The following NMNAT3 variants were observed in gnomAD, a reference collection of about 807,000 sequenced individuals.
NMNAT3 encodes the protein nicotinamide nucleotide adenylyltransferase 3.
A neutral mutation model predicts 24.8 loss-of-function variants in NMNAT3; 21 were observed. The observed-to-expected ratio is 0.85, with a 90% CI of 0.60 to 1.22. NMNAT3 has a LOEUF of 1.22. NMNAT3 is among the 50% of genes most tolerant of loss of function. The pLI, the probability that NMNAT3 is intolerant of heterozygous loss-of-function variation, is 0.00. For synonymous variants in NMNAT3, 136 were observed against 155.2 expected (o/e 0.88, Z 0.92); for missense variants, 387 against 436.6 (o/e 0.89, Z 1.01).
intron 3 of NMNAT3, among the ~76,000 whole-genome samples, chr3:139,621,872 T>C (rs568514745): frequency 2.0e-5 from 3 of 152,340 alleles, no homozygotes; most frequent in Non-Finnish European, 4.4e-5. Flanking sequence ...CTTAAGATAA[T>C]GATCTCCAGT....
chr3:139,589,120 C>A (rs939503358), intron 3 of NMNAT3, among the ~76,000 whole-genome samples: 3 of 152,034 alleles, frequency 2.0e-5, no homozygotes, highest in African/African-American at 2.4e-5. Context: ...TTGGAGGATA[C>A]AAAGGCAATG....
At chr3:139,658,695 G>T (rs928526244) in intron 1 of NMNAT3, among the ~76,000 whole-genome samples, 2 of 152,090 alleles carry the variant, frequency 1.3e-5, no homozygotes, top group Admixed American at 1.3e-4. Context: ...AAAAGAAGTC[G>T]CAGACAGCAG....
At chr3:139,620,081 G>A (rs145793954) in intron 3 of NMNAT3, among the ~76,000 whole-genome samples, 80 of 151,890 alleles carry the variant, frequency 5.3e-4, no homozygotes, top group Non-Finnish European at 7.4e-4. Context: ...TAGTTTATAC[G>A]TCTTCTAAAT....
chr3:139,671,618 T>TCACA (rs140979498), intron 1 of NMNAT3, among the ~76,000 whole-genome samples: 24,732 of 150,586 alleles, frequency 0.16, 2,521 homozygotes, highest in East Asian at 0.32. Context: ...TCTCTCTCTC[T>TCACA]CACACACACA....
chr3:139,599,479 A>G (rs1395307634), intron 3 of NMNAT3: 2 of 693,944 alleles, frequency 2.9e-6, no homozygotes, highest in Non-Finnish European at 2.6e-6. Flanking sequence ...CTAAGAGATC[A>G]GGAGCAACTG....
At chr3:139,670,840 C>T (rs1289300152) in intron 1 of NMNAT3, among the ~76,000 whole-genome samples, 1 of 152,162 alleles carries the variant, frequency 6.6e-6, no homozygotes, top group Non-Finnish European at 1.5e-5. Context: ...CTTCCTCCCA[C>T]AGTACTGGGG....
At chr3:139,661,554 T>A (rs909690727) in intron 1 of NMNAT3, among the ~76,000 whole-genome samples, 13 of 152,132 alleles carry the variant, frequency 8.5e-5, no homozygotes, top group African/African-American at 3.1e-4. Flanking sequence ...GCCTGTAGTT[T>A]TAGCTACTTG....
intron 3 of NMNAT3, among the ~76,000 whole-genome samples, chr3:139,602,027 T>A (rs760475743): frequency 1.3e-5 from 2 of 152,218 alleles, no homozygotes; most frequent in Non-Finnish European, 2.9e-5. Context: ...TCTTGATACA[T>A]TTTCAATTTA....
At chr3:139,636,886 G>A (rs1366189839) in intron 2 of NMNAT3, 1 of 152,224 alleles carries the variant, frequency 6.6e-6, no homozygotes, top group East Asian at 1.9e-4. Flanking sequence ...CTACAAACCT[G>A]TGGGACAGAA....
chr3:139,656,023 G>A (rs1337638567), intron 1 of NMNAT3, among the ~76,000 whole-genome samples: 1 of 152,216 alleles, frequency 6.6e-6, no homozygotes, highest in African/African-American at 2.4e-5. Context: ...ATGCATCCAA[G>A]CAACTACAAT....
chr3:139,664,318 G>C (rs773582039), intron 1 of NMNAT3, among the ~76,000 whole-genome samples: 1 of 152,082 alleles, frequency 6.6e-6, no homozygotes, highest in Admixed American at 6.5e-5. Context: ...CAACACCTTC[G>C]CTTTCAAAAC....
At chr3:139,637,776 C>T (rs1000898379) in intron 2 of NMNAT3, 187 bp downstream of exon 2, 4 of 152,170 alleles carry the variant, frequency 2.6e-5, no homozygotes, top group Admixed American at 1.3e-4. Flanking sequence ...GCAAGGCCCA[C>T]CTGGAAGTCA....
intron 6 of NMNAT3, among the ~76,000 whole-genome samples, chr3:139,572,580 G>C (rs1938567938): frequency 6.6e-6 from 1 of 152,130 alleles, no homozygotes; most frequent in African/African-American, 2.4e-5. Context: ...CTGCTGTGAG[G>C]GATCCTCTGG....
In NMNAT3 at chr3:139,561,363, C is replaced by T; in HGVS notation, c.688G>A (p.Ala230Thr). 1 of 1,613,746 alleles carries T rather than the reference C, an allele frequency of 6.2e-7. No individual in the cohort carries two copies. Among genetic ancestry groups the T allele is most frequent in the Non-Finnish European group, 8.5e-7 (1 of 1,179,792 alleles). Residue 230 changes from alanine to threonine, a missense_variant, in exon 7 of 7, where the codon GCA (alanine) becomes ACA (threonine). Around this residue, in one of 3 missense-constraint regions of NMNAT3, gnomAD observed 323 missense variants for 345.2 expected, o/e 0.94. Coordinates refer to ENST00000643695, the MANE Select transcript of NMNAT3 (RefSeq NM_001320510.2). Reference sequence around the variant, plus strand: ...GTCTGGAAGGTCTTCAAGACGTCTGCCCCACAGAGAAGCTTCAGCTCAGGC... The same window carrying T: ...GTCTGGAAGGTCTTCAAGACGTCTGTCCCACAGAGAAGCTTCAGCTCAGGC...
At chr3:139,566,551 G>A (rs1236954598) in intron 6 of NMNAT3, 3 of 152,226 alleles carry the variant, frequency 2.0e-5, no homozygotes, top group Non-Finnish European at 4.4e-5. Context: ...AAGGTGTAAG[G>A]AAGGGATCCA....
At chr3:139,675,163 C>CAT (rs1335255635) in intron 1 of NMNAT3, among the ~76,000 whole-genome samples, 1 of 151,500 alleles carries the variant, frequency 6.6e-6, no homozygotes, top group Admixed American at 6.6e-5. Context: ...CACACACACA[C>CAT]GTGCACATAT....
intron 1 of NMNAT3, among the ~76,000 whole-genome samples, chr3:139,654,246 A>G (rs1202629415): frequency 6.6e-6 from 1 of 152,234 alleles, no homozygotes; most frequent in Non-Finnish European, 1.5e-5. Context: ...ATTTAAATGT[A>G]AACAGTGTGT....
At chr3:139,653,137 G>T (rs1239262708) in intron 1 of NMNAT3, among the ~76,000 whole-genome samples, 1 of 151,936 alleles carries the variant, frequency 6.6e-6, no homozygotes, top group East Asian at 1.9e-4. Flanking sequence ...TCACTGTATT[G>T]GTGTTATTCT....
intron 3 of NMNAT3, among the ~76,000 whole-genome samples, chr3:139,602,609 T>G (rs1234629967): frequency 6.6e-6 from 1 of 152,216 alleles, no homozygotes; most frequent in Admixed American, 6.5e-5. Context: ...AATTCTTATG[T>G]GCTAGTGGAG....
Sources: allele counts gnomAD v4.1 joint callset (sites outside exome capture counted in the v4.1 genomes callset), GRCh38; gene constraint gnomAD v4.1.1; regional missense constraint gnomAD v4.1.1; transcripts MANE v1.5; gene names NCBI Gene and HGNC (gene_info 2026-07-23, HGNC 2026-07-21).